WDR49: variants seen among roughly 807,000 people sequenced by gnomAD.
WDR49 encodes WD repeat domain 49.
Under a neutral mutation model 119.5 loss-of-function variants are expected in WDR49, and 107 were observed. That is an observed-to-expected ratio of 0.90 (90% confidence interval 0.77 to 1.05). The LOEUF is 1.05. WDR49 is among the 50% of genes least tolerant of loss of function. The pLI is 0.00. For missense variants in WDR49, 1,240 were observed against 1,220.5 expected (o/e 1.02, Z -0.24); for synonymous variants, 425 against 418.8 (o/e 1.01, Z -0.18).
chr3:167,651,580 A>T (rs1409825366), intron 2 of WDR49, among the ~76,000 whole-genome samples: 3 of 142,818 alleles, frequency 2.1e-5, no homozygotes, highest in Non-Finnish European at 4.5e-5. Context: ...AGTCTGCTAA[A>T]ATGGATGAAC....
At chr3:167,595,860 T>C (rs893448954) in intron 7 of WDR49, among the ~76,000 whole-genome samples, 33 of 151,468 alleles carry the variant, frequency 2.2e-4, no homozygotes, top group African/African-American at 6.1e-4. Context: ...AAAGCCAAGA[T>C]TGACAAATGG....
chr3:167,512,709 A>G (rs537466541), intron 16 of WDR49, among the ~76,000 whole-genome samples: 1 of 152,370 alleles, frequency 6.6e-6, no homozygotes, highest in Non-Finnish European at 1.5e-5. Context: ...GCTAAGAACC[A>G]CGATAAAACA....
At position 167,619,379 on chromosome 3, in the gene WDR49, C is replaced by T. The variant is rs190184670; in HGVS notation, c.958+1050G>A. On this transcript the variant is annotated intron_variant, in intron 5 of 18. Transcript: ENST00000682715. Reference sequence around the variant, plus strand: ...TGTGCCTGTCACACTTAGCAGATGACCAAAAACTGTCATCTTTTGTTTTTC... The same window carrying T: ...TGTGCCTGTCACACTTAGCAGATGATCAAAAACTGTCATCTTTTGTTTTTC... Among the ~76,000 whole-genome samples, 40 of 152,100 alleles carry T rather than the reference C, an allele frequency of 2.6e-4. No homozygotes were observed. The East Asian group carries it at 7.4e-3, about 28-fold the overall frequency.
chr3:167,635,181 G>A (rs904218324), intron 2 of WDR49, among the ~76,000 whole-genome samples: 2 of 151,642 alleles, frequency 1.3e-5, no homozygotes, highest in Non-Finnish European at 3.0e-5. Flanking sequence ...TATTTCCTAA[G>A]GGAAATTCTC....
chr3:167,601,398 A>T (rs937111192), intron 7 of WDR49, among the ~76,000 whole-genome samples: 35 of 152,176 alleles, frequency 2.3e-4, no homozygotes, highest in Non-Finnish European at 2.9e-4. Flanking sequence ...ACTATCTTCA[A>T]TACACTTTAT....
At chr3:167,598,940 C>A (rs908782259) in intron 7 of WDR49, among the ~76,000 whole-genome samples, 2 of 152,310 alleles carry the variant, frequency 1.3e-5, no homozygotes, top group African/African-American at 4.8e-5. Flanking sequence ...CAAATAGAGT[C>A]TCTCTGTCTC....
intron 9 of WDR49, among the ~76,000 whole-genome samples, chr3:167,555,305 G>A (rs553616932): frequency 6.6e-6 from 1 of 152,248 alleles, no homozygotes; most frequent in East Asian, 1.9e-4. Context: ...GGTTGCTGGT[G>A]GGTGAAAAGC....
intron 15 of WDR49, among the ~76,000 whole-genome samples, chr3:167,525,789 G>A (rs1752607665): frequency 6.6e-6 from 1 of 151,722 alleles, no homozygotes; most frequent in African/African-American, 2.4e-5. Flanking sequence ...CTGAAAACCA[G>A]CCTAAGGTCA....
chr3:167,514,772 C>T (rs1752134178), intron 16 of WDR49, among the ~76,000 whole-genome samples: 1 of 151,600 alleles, frequency 6.6e-6, no homozygotes, highest in African/African-American at 2.4e-5. Context: ...ACAGAAGAAT[C>T]AAATAGACAC....
At chr3:167,578,884 G>A (rs536367110) in intron 7 of WDR49, among the ~76,000 whole-genome samples, 5 of 152,030 alleles carry the variant, frequency 3.3e-5, no homozygotes, top group Non-Finnish European at 5.9e-5. Flanking sequence ...CTACTATCCT[G>A]TTTCCAAAAA....
rs923639595 is a variant in WDR49 at position 167,597,353 on chromosome 3, C to T, written c.1275+4774G>A. 3.9e-5 allele frequency among the ~76,000 whole-genome samples: 6 copies of T among 152,352 alleles called. No individual in the cohort carries two copies. The East Asian group carries it at 1.2e-3, about 29-fold the overall frequency. On this transcript the variant is annotated intron_variant, in intron 7 of 18. Coordinates refer to ENST00000682715, the MANE Select transcript of WDR49 (RefSeq NM_001366157.1). ...GTTTTAGGAGCCTCTGCCTAGATTT[C>T]AGAGGATGTACAAAAATGCCTGGAT...
At chr3:167,618,349 A>G (rs931513593) in intron 5 of WDR49, among the ~76,000 whole-genome samples, 15 of 152,192 alleles carry the variant, frequency 9.9e-5, no homozygotes, top group African/African-American at 2.2e-4. Context: ...TCTATAATTA[A>G]TCTTTCTTCT....
At chr3:167,558,819 C>T (rs1713099121) in intron 9 of WDR49, among the ~76,000 whole-genome samples, 4 of 152,238 alleles carry the variant, frequency 2.6e-5, no homozygotes, top group Admixed American at 2.0e-4. Flanking sequence ...GAACCTAATC[C>T]GTTCACTCCA....
chr3:167,576,173 C>A, intron 7 of WDR49, 22 bp from the exon 8 acceptor site: 2 of 1,597,680 alleles, frequency 1.3e-6, no homozygotes, highest in South Asian at 2.2e-5. Flanking sequence ...GTGATAAAAT[C>A]ATTTCAATAT....
intron 12 of WDR49, 87 bp from the exon 13 acceptor site, chr3:167,531,366 A>G: frequency 7.1e-7 from 1 of 1,416,004 alleles, no homozygotes; most frequent in Non-Finnish European, 9.7e-7. Flanking sequence ...GCCCACATCT[A>G]TCACTATATC....
chr3:167,609,006 T>C (rs1300083402), intron 5 of WDR49, among the ~76,000 whole-genome samples: 1 of 152,146 alleles, frequency 6.6e-6, no homozygotes, highest in African/African-American at 2.4e-5. Context: ...AATTAGTTAA[T>C]GTGGGAAAGT....
chr3:167,486,926 T>C (rs573593861), intron 18 of WDR49, among the ~76,000 whole-genome samples: 10 of 152,180 alleles, frequency 6.6e-5, no homozygotes, highest in Non-Finnish European at 1.5e-5. Flanking sequence ...CAACAGAATA[T>C]ATATTCTTCT....
chr3:167,652,843 C>T (rs915173503), intron 2 of WDR49, among the ~76,000 whole-genome samples: 2 of 152,078 alleles, frequency 1.3e-5, no homozygotes, highest in African/African-American at 4.8e-5. Flanking sequence ...TTTTTGCAAA[C>T]TGGGTATGCA....
chr3:167,502,206 A>C (rs1226487338), intron 17 of WDR49, among the ~76,000 whole-genome samples: 1 of 152,026 alleles, frequency 6.6e-6, no homozygotes, highest in African/African-American at 2.4e-5. Context: ...TTCCACCACC[A>C]CTGTAAGGTT....
Sources: gnomAD v4.1 joint callset for allele counts (sites outside exome capture counted in the v4.1 genomes callset) on GRCh38, gnomAD v4.1.1 for gene constraint, MANE v1.5 for transcripts, NCBI Gene and HGNC (gene_info 2026-07-23, HGNC 2026-07-21) for gene names.